The following RIN3 variants were observed in gnomAD, a reference collection of about 807,000 sequenced individuals.
RIN3 encodes Ras and Rab interactor 3.
In RIN3, 54 loss-of-function variants were observed where a neutral mutation model predicts 76.3. The ratio of observed to expected loss-of-function variants is 0.71; its 90% CI spans 0.57 to 0.89. The LOEUF is 0.89. Ranked by LOEUF, RIN3 falls within the 40% of genes least tolerant of loss-of-function variation. The pLI is 0.00. For missense variants in RIN3, 1,256 were observed against 1,322.1 expected, an observed-to-expected ratio of 0.95 and a Z score of 0.78; for synonymous variants, 576 against 564.0, an observed-to-expected ratio of 1.02 and a Z score of -0.30.
intron 3 of RIN3, among the ~76,000 whole-genome samples, chr14:92,579,143 G>A (rs1291541107): frequency 6.6e-6 from 1 of 151,918 alleles, no homozygotes; most frequent in East Asian, 1.9e-4. Flanking sequence ...GGTCAGGCTG[G>A]TCTCGAACCC....
At chr14:92,687,873 C>T in intron 9 of RIN3, 53 bp from the exon 10 acceptor site, 1 of 1,444,446 alleles carries the variant, frequency 6.9e-7, no homozygotes, top group East Asian at 2.7e-5. Context: ...CGGGAGAGGG[C>T]GCCTGAGGAG....
chr14:92,688,204 C>T lies in RIN3; in HGVS notation c.2910C>T (p.Gly970=). 6.2e-7 allele frequency: 1 copy of T among 1,605,502 alleles called. No homozygotes were observed. ...CCCTGGACGGTGGTGGCGGCGGCGG[C>T]GGCGGGAGCCCGCCCTGCCTGGTGG... is the stretch of plus-strand genomic sequence containing the variant. ...YRPLDGGGGG[G]GGSPPCLVVR... Residue 970 remains glycine (G), a synonymous_variant, in exon 10 of 10, where the codon GGC becomes GGT. Transcript: ENST00000216487.
At chr14:92,630,614 G>A (rs926483507) in intron 4 of RIN3, among the ~76,000 whole-genome samples, 7 of 152,220 alleles carry the variant, frequency 4.6e-5, no homozygotes, top group Non-Finnish European at 1.0e-4. Context: ...TGGAGCCATG[G>A]TCACCAAGCT....
chr14:92,683,660 A>T (rs113944190), intron 8 of RIN3, among the ~76,000 whole-genome samples: 13 of 152,190 alleles, frequency 8.5e-5, no homozygotes, highest in Admixed American at 8.5e-4. Context: ...CCTTCTCTAT[A>T]GAAAATGTAA....
At chr14:92,634,855 C>CT (rs929742773) in intron 4 of RIN3, among the ~76,000 whole-genome samples, 6 of 104,690 alleles carry the variant, frequency 5.7e-5, no homozygotes, top group African/African-American at 8.0e-5. Context: ...GAGACTCTAT[C>CT]TAAAAAAAAA....
intron 1 of RIN3, among the ~76,000 whole-genome samples, chr14:92,552,907 GGAACAGCA>G (rs1897470807): frequency 1.3e-5 from 2 of 151,756 alleles, no homozygotes; most frequent in African/African-American, 4.8e-5. Flanking sequence ...ACCTGTGCCT[GGAACAGCA>G]TTTGACATTG....
chr14:92,679,373 C>T (rs1349409112), intron 8 of RIN3, among the ~76,000 whole-genome samples: 2 of 152,242 alleles, frequency 1.3e-5, no homozygotes, highest in Non-Finnish European at 2.9e-5. Flanking sequence ...TGCACACCAG[C>T]AAGGGGGGTG....
chr14:92,553,190 A>C (rs1043656108), intron 1 of RIN3, among the ~76,000 whole-genome samples: 2 of 152,154 alleles, frequency 1.3e-5, no homozygotes, highest in Admixed American at 6.5e-5. Context: ...CGTGGCAAAG[A>C]AGAAATGAAG....
At chr14:92,558,887 C>CTTTTTTTT (rs61202055) in intron 2 of RIN3, among the ~76,000 whole-genome samples, 7 of 130,756 alleles carry the variant, frequency 5.4e-5, no homozygotes, top group Non-Finnish European at 7.9e-5. Context: ...CTTTTCTTTT[C>CTTTTTTTT]TTTTTTTTTT....
chr14:92,537,328 G>T (rs1175824897), intron 1 of RIN3, among the ~76,000 whole-genome samples: 1 of 152,012 alleles, frequency 6.6e-6, no homozygotes, highest in Non-Finnish European at 1.5e-5. Context: ...TACACAGAAG[G>T]TATTCTCATG....
chr14:92,584,511 A>G lies in RIN3; in HGVS notation c.367+7034A>G, dbSNP rs1884694855. Among the ~76,000 whole-genome samples the G allele has an allele frequency of 2.0e-5, 3 of 152,142 alleles. No individual in the cohort carries two copies. In the South Asian group the frequency reaches 6.2e-4, roughly 32 times the overall value. On this transcript the variant is annotated intron_variant, in intron 3 of 9. Transcript: ENST00000216487. Reference sequence around the variant, plus strand: ...TTGAACAAGCATTATGTGAACAACCATCTCCTGCATCCCCAGTCCTCCTCT... The same window carrying G: ...TTGAACAAGCATTATGTGAACAACCGTCTCCTGCATCCCCAGTCCTCCTCT...
At position 92,651,985 on chromosome 14, in the gene RIN3, C is replaced by G. The variant is rs778960335; in HGVS notation, c.936C>G (p.Pro312=). The change falls in exon 6 of 10, where the codon CCC becomes CCG. Residue 312 remains proline, a synonymous_variant. Transcript: ENST00000216487. The part of the protein sequence containing the change: ...ALAPAPACPL[P]TSPPVPAPHV... The stretch of plus-strand genomic sequence containing the variant: ...CCCCCGCCCCTGCCTGTCCTTTGCC[C>G]ACCTCTCCCCCAGTGCCTGCCCCCC... 3 of 1,533,118 alleles carry G rather than the reference C, an allele frequency of 2.0e-6. No individual in the cohort carries two copies. The African/African-American group carries it at 4.2e-5, about 21-fold the overall frequency. The allele number at this position is 1,533,118 out of a possible 1,614,324, so 95.0% of individuals were successfully genotyped here. A position where few individuals can be genotyped will look rare whatever the true frequency, so the allele number is the denominator to read the frequency against.
Position 92,673,785 on chromosome 14 carries a change from C to T in RIN3, c.2336-2690C>T, listed in dbSNP as rs147108109. On this transcript the variant is annotated intron_variant, in intron 7 of 9. Transcript: ENST00000216487. ...CCTCCCAGAGTGCTGGGATTACAGA[C>T]ATGAGCCACCGCGCCCGGCCGCCAC... 1.6e-3 allele frequency among the ~76,000 whole-genome samples: 245 copies of T among 152,342 alleles called. 2 individuals carry two copies. Among genetic ancestry groups the T allele is most frequent in the Non-Finnish European group, 2.4e-3 (161 of 68,032 alleles).
intron 2 of RIN3, among the ~76,000 whole-genome samples, chr14:92,557,213 ACAG>A (rs1263798014): frequency 6.6e-6 from 1 of 152,104 alleles, no homozygotes; most frequent in Non-Finnish European, 1.5e-5. Context: ...ATTTAACCTC[ACAG>A]CAGCCCTAGG....
intron 3 of RIN3, among the ~76,000 whole-genome samples, chr14:92,597,455 G>A (rs558794889): frequency 9.2e-5 from 14 of 152,284 alleles, no homozygotes; most frequent in Middle Eastern, 6.8e-3. Context: ...TTTGAGGAAC[G>A]CCAGTGGCAG....
At chr14:92,565,626 T>C (rs2140046277) in intron 2 of RIN3, among the ~76,000 whole-genome samples, 1 of 152,338 alleles carries the variant, frequency 6.6e-6, no homozygotes, top group Non-Finnish European at 1.5e-5. Flanking sequence ...GGGTAACTTC[T>C]TTACTGCCAT....
Position 92,651,941 on chromosome 14 carries a change from C to G in RIN3, c.892C>G (p.Pro298Ala). 6.5e-7 allele frequency: 1 copy of G among 1,546,066 alleles called. No individual in the cohort carries two copies. The highest frequency in any genetic ancestry group is 8.8e-7 in the Non-Finnish European group (1 of 1,142,198). The part of the protein sequence containing the change: ...PLQPCSPAQP[P>A]VLPALAPAPA... ...GCAGCCCTGCAGCCCAGCCCAGCCC[C>G]CTGTGCTCCCTGCTCTTGCCCCCGC... The change falls in exon 6 of 10, where the codon CCT becomes GCT. Residue 298 changes from proline (P) to alanine (A), a missense_variant. Transcript: ENST00000216487.
chr14:92,582,461 T>C lies in RIN3; in HGVS notation c.367+4984T>C, dbSNP rs866721515. Among the ~76,000 whole-genome samples the C allele has an allele frequency of 7.9e-4, 109 of 137,166 alleles. 1 individual carries two copies. The highest frequency in any genetic ancestry group is 1.3e-3 in the South Asian group (6 of 4,562). The allele number at this position is 137,166 out of a possible 152,430, so 90.0% of individuals were successfully genotyped here. ...TTTTTACTTTTTTTTTTTTTTTTTTTCCCTGAGATGGAGTCTTGCTCTATC... is the reference window on the plus strand; with the variant it reads ...TTTTTACTTTTTTTTTTTTTTTTTTCCCCTGAGATGGAGTCTTGCTCTATC... On this transcript the variant is annotated intron_variant, in intron 3 of 9. Coordinates refer to ENST00000216487, the MANE Select transcript of RIN3 (RefSeq NM_024832.5).
rs1887657811 is a variant in RIN3 at position 92,656,134 on chromosome 14, G to A, written c.2027-3027G>A. On this transcript the variant is annotated intron_variant, in intron 6 of 9. Transcript: ENST00000216487. This position sits in a 1 kb window ranked among gnomAD's most constrained non-coding sequence, Gnocchi z 5.2. ...AGTGGCCCAGAGGAAACTGTGGTCA[G>A]CCCTGCCTTCCAGAGTTGGGGGAGT... 6.6e-6 allele frequency among the ~76,000 whole-genome samples: 1 copy of A among 152,222 alleles called. No individual in the cohort carries two copies. The highest frequency in any genetic ancestry group is 1.5e-5 in the Non-Finnish European group (1 of 68,046).
Sources: gnomAD v4.1 joint callset for allele counts (sites outside exome capture counted in the v4.1 genomes callset) on GRCh38, gnomAD v4.1.1 for gene constraint, Gnocchi (gnomAD v3.1) non-coding constraint, MANE v1.5 for transcripts, NCBI Gene and HGNC (gene_info 2026-07-23, HGNC 2026-07-21) for gene names.